Variants in ERICH1 observed in about 807,000 individuals in gnomAD.
The protein encoded by ERICH1 is glutamate rich 1.
In ERICH1, 56 loss-of-function variants were observed where a neutral mutation model predicts 39.6. The observed-to-expected ratio is 1.41, with a 90% CI of 1.14 to 1.77. The LOEUF is 1.77. ERICH1 is among the 40% of genes most tolerant of loss of function. The pLI is 0.00. For synonymous variants in ERICH1, 313 were observed against 223.6 expected (o/e 1.40, Z -3.57); for missense variants, 826 against 575.4 (o/e 1.44, Z -4.45).
At chr8:616,722 A>G in intron 3 of ERICH1, 1 of 403,400 alleles carries the variant, frequency 2.5e-6, no homozygotes, top group Non-Finnish European at 5.0e-6. Flanking sequence ...AGAGACACTC[A>G]GAGAGATAGG....
At chr8:615,303 G>A (rs187903550) in intron 3 of ERICH1, 2 of 674,372 alleles carry the variant, frequency 3.0e-6, no homozygotes, top group Non-Finnish European at 5.3e-6. Context: ...TCAGGTTAAG[G>A]GAGATCAGTT....
At chr8:620,699 A>G (rs756357271) in intron 3 of ERICH1, among the ~76,000 whole-genome samples, 2 of 152,256 alleles carry the variant, frequency 1.3e-5, no homozygotes, top group Non-Finnish European at 2.9e-5. Context: ...AAATGTTACT[A>G]AAGACAAACA....
chr8:617,176 T>C (rs1295150588), intron 3 of ERICH1, among the ~76,000 whole-genome samples: 1 of 152,042 alleles, frequency 6.6e-6, no homozygotes, highest in Non-Finnish European at 1.5e-5. Context: ...GCACAGGCGG[T>C]GGGGACCACA....
chr8:699,854 C>T (rs1219854998), intron 2 of ERICH1, among the ~76,000 whole-genome samples: 38 of 113,740 alleles, frequency 3.3e-4, no homozygotes, highest in African/African-American at 1.2e-3. Flanking sequence ...CAGACCCGCA[C>T]ACGCGCACAG....
chr8:723,500 C>G (rs751932851), intron 1 of ERICH1, among the ~76,000 whole-genome samples: 6 of 152,308 alleles, frequency 3.9e-5, no homozygotes, highest in Non-Finnish European at 8.8e-5. Flanking sequence ...CCTCCTTCAC[C>G]TGTCATATTA....
At chr8:686,765 AG>A (rs1202641724) in intron 3 of ERICH1, 3 of 136,376 alleles carry the variant, frequency 2.2e-5, no homozygotes, top group Non-Finnish European at 4.9e-5. Context: ...CAGGACACTC[AG>A]AGAGAGAGAG....
At chr8:702,362 C>T (rs1483042924) in intron 2 of ERICH1, among the ~76,000 whole-genome samples, 2 of 152,280 alleles carry the variant, frequency 1.3e-5, no homozygotes, top group East Asian at 1.9e-4. Context: ...GAGCACACAG[C>T]GGCACAGCTC....
At chr8:672,808 G>A (rs919738348) in intron 4 of ERICH1, among the ~76,000 whole-genome samples, 7 of 152,326 alleles carry the variant, frequency 4.6e-5, no homozygotes, top group Middle Eastern at 3.4e-3. Context: ...TCGTGCATCC[G>A]TTCTATGTGG....
In ERICH1 at chr8:673,306, T is replaced by G. The variant is rs1803857872; in HGVS notation, c.1046A>C (p.Glu349Ala). ...SILNFLKSTQ[E>A]MYFYDGVSRD... ...AAACATACCGTCATAAAAATACATT[T>G]CCTGTGTTGACTTCAAAAAATTTAG... The change falls in exon 4 of 6, where the codon GAA becomes GCA. Residue 349 changes from glutamate (E) to alanine (A), a missense_variant. By Grantham distance (107) the Glu-to-Ala change is moderately radical (BLOSUM62 -1). Coordinates refer to ENST00000262109, the MANE Select transcript of ERICH1 (RefSeq NM_207332.3). The G allele has an allele frequency of 1.2e-6, 2 of 1,604,512 alleles. No homozygotes were observed. Among genetic ancestry groups the G allele is most frequent in the African/African-American group, 2.7e-5 (2 of 74,730 alleles).
intron 3 of ERICH1, among the ~76,000 whole-genome samples, chr8:627,449 G>T (rs1015248974): frequency 1.3e-5 from 2 of 152,152 alleles, no homozygotes; most frequent in African/African-American, 2.4e-5. Flanking sequence ...AGGCATTTGC[G>T]CTATGTTATA....
chr8:709,621 G>A (rs1020515168), intron 2 of ERICH1, among the ~76,000 whole-genome samples: 1 of 152,182 alleles, frequency 6.6e-6, no homozygotes, highest in South Asian at 2.1e-4. Flanking sequence ...CCACTGAAAC[G>A]AAGTGGCTGA....
At chr8:679,298 G>A (rs73521119) in intron 3 of ERICH1, among the ~76,000 whole-genome samples, 269 of 141,252 alleles carry the variant, frequency 1.9e-3, no homozygotes, top group African/African-American at 6.8e-3. Context: ...CACAGCAAGT[G>A]ACCCCTCACG....
intron 3 of ERICH1, among the ~76,000 whole-genome samples, chr8:636,033 C>T (rs1251046146): frequency 1.3e-5 from 2 of 152,248 alleles, no homozygotes; most frequent in Admixed American, 1.3e-4. Flanking sequence ...CCTGGTGCAA[C>T]GAGGCTGTGG....
intron 3 of ERICH1, 134 bp downstream of exon 3, chr8:692,344 C>T: frequency 7.8e-7 from 1 of 1,277,568 alleles, no homozygotes. Context: ...CCATGTGGTT[C>T]ATTATACAGT....
chr8:666,231 A>C (rs953009694), intron 5 of ERICH1: 11 of 152,098 alleles, frequency 7.2e-5, no homozygotes, highest in Non-Finnish European at 1.6e-4. Flanking sequence ...AACTGCCAAA[A>C]CTCTTTTGGT....
At chr8:660,174 C>G (rs936970629), downstream of ERICH1, among the ~76,000 whole-genome samples, 1 of 147,712 alleles carries the variant, frequency 6.8e-6, no homozygotes, top group Non-Finnish European at 1.5e-5. Flanking sequence ...GGGCCTTCCC[C>G]GACTCTCCCC....
intron 3 of ERICH1, chr8:627,384 C>T (rs559904945): frequency 2.8e-6 from 1 of 360,992 alleles, no homozygotes; most frequent in African/African-American, 2.1e-5. Flanking sequence ...TCACTGAGAG[C>T]CTCGACTTCA....
chr8:695,403 G>A (rs1248474517), intron 2 of ERICH1, among the ~76,000 whole-genome samples: 1 of 152,032 alleles, frequency 6.6e-6, no homozygotes, highest in East Asian at 1.9e-4. Flanking sequence ...AGCAAAACCT[G>A]CATCTGACAC....
chr8:715,479 C>T (rs1024262772), intron 2 of ERICH1, among the ~76,000 whole-genome samples: 1 of 152,232 alleles, frequency 6.6e-6, no homozygotes, highest in African/African-American at 2.4e-5. Flanking sequence ...AAGCCTGTCC[C>T]TGAGTGGGCA....
Sources: allele counts gnomAD v4.1 joint callset (sites outside exome capture counted in the v4.1 genomes callset), GRCh38; gene constraint gnomAD v4.1.1; transcripts MANE v1.5; gene names NCBI Gene and HGNC (gene_info 2026-07-23, HGNC 2026-07-21).